CWF19L2: variants seen among roughly 807,000 people sequenced by gnomAD.
CWF19L2 encodes the protein CWF19 like cell cycle control factor 2.
CWF19L2 carries 98 observed loss-of-function variants against 111.7 expected under a neutral mutation model. The ratio of observed to expected loss-of-function variants is 0.88; its 90% CI spans 0.75 to 1.04. The LOEUF (loss-of-function observed/expected upper bound fraction) is 1.04. Ranked by LOEUF, CWF19L2 falls within the 50% of genes least tolerant of loss-of-function variation. CWF19L2 has a pLI of 0.00. For synonymous variants in CWF19L2, 351 were observed against 342.9 expected (o/e 1.02, Z -0.26); for missense variants, 1,101 against 1,051.4 (o/e 1.05, Z -0.65).
Position 107,441,684 on chromosome 11 carries a change from T to G in CWF19L2, c.451-62A>C, listed in dbSNP as rs1362507681. The G allele has an allele frequency of 5.5e-5, 76 of 1,385,150 alleles. 1 individual carries two copies. The East Asian group carries it at 2.1e-3, about 38-fold the overall frequency. The allele number at this position is 1,385,150 out of a possible 1,614,324, so 85.8% of individuals were successfully genotyped here. ...ACTCATCATTTCAATCTGAACTGAT[T>G]AGAATTTAATAAACACTTGGTAATA... On this transcript the variant is annotated intron_variant, in intron 4 of 17. Transcript: ENST00000282251.
intron 12 of CWF19L2, among the ~76,000 whole-genome samples, chr11:107,363,412 C>T (rs1004614212): frequency 1.3e-5 from 2 of 152,044 alleles, no homozygotes; most frequent in Non-Finnish European, 2.9e-5. Flanking sequence ...ATGTTAAGGG[C>T]AGCCAGAGAG....
chr11:107,344,480 T>C (rs1860049394), intron 14 of CWF19L2, among the ~76,000 whole-genome samples: 1 of 152,252 alleles, frequency 6.6e-6, no homozygotes, highest in Admixed American at 6.5e-5. Flanking sequence ...TCCTGAAGGA[T>C]ATTTTCACTA....
At chr11:107,448,777 G>A (rs375249039) in intron 3 of CWF19L2, among the ~76,000 whole-genome samples, 22 of 152,264 alleles carry the variant, frequency 1.4e-4, no homozygotes, top group African/African-American at 5.3e-4. Flanking sequence ...TGAGGTTAGA[G>A]TGAGAAGACA....
intron 12 of CWF19L2, 124 bp from the exon 13 acceptor site, chr11:107,353,860 A>G: frequency 2.9e-6 from 2 of 680,066 alleles, no homozygotes; most frequent in Non-Finnish European, 4.9e-6. Context: ...AAAGAAAAGA[A>G]AAAACATGAT....
chr11:107,395,216 C>T lies in CWF19L2; in HGVS notation c.1618-2321G>A, dbSNP rs189475406. On this transcript the variant is annotated intron_variant, in intron 10 of 17. Coordinates refer to ENST00000282251, the MANE Select transcript of CWF19L2 (RefSeq NM_152434.3). ...TCATGAGATCTGACAGTTTTAAAAA[C>T]GGGAATTTCTCCACACAAGCTCTCT... Among the ~76,000 whole-genome samples the T allele has an allele frequency of 1.2e-4, 18 of 152,218 alleles. No homozygotes were observed. The East Asian group carries it at 1.9e-3, about 16-fold the overall frequency.
chr11:107,336,191 G>A (rs1002119277), intron 15 of CWF19L2, among the ~76,000 whole-genome samples: 3 of 151,856 alleles, frequency 2.0e-5, no homozygotes, highest in Non-Finnish European at 4.4e-5. Context: ...CTGTCACCCA[G>A]GCTGGAGTGC....
chr11:107,394,301 T>C (rs1860891121), intron 10 of CWF19L2, among the ~76,000 whole-genome samples: 1 of 152,202 alleles, frequency 6.6e-6, no homozygotes, highest in South Asian at 2.1e-4. Flanking sequence ...CGAACATTAA[T>C]GAAGTGCCAT....
intron 8 of CWF19L2, among the ~76,000 whole-genome samples, chr11:107,423,729 A>G (rs140928189): frequency 8.6e-4 from 131 of 151,974 alleles, no homozygotes; most frequent in African/African-American, 3.1e-3. Context: ...AAGTCCACAC[A>G]TAATCTCCTA....
chr11:107,349,358 C>T (rs933375440), intron 13 of CWF19L2, among the ~76,000 whole-genome samples: 1 of 152,070 alleles, frequency 6.6e-6, no homozygotes, highest in Non-Finnish European at 1.5e-5. Flanking sequence ...ATGAATGACA[C>T]AATATCCTTA....
rs763965201 is a variant in CWF19L2 at position 107,349,004 on chromosome 11, A to C, written c.2135T>G (p.Leu712Arg). The part of the protein sequence containing the change: ...NVRSLTEGHC[L>R]IVPLQHHRAA... ...TCTATGGTGCTGCAAAGGGACTATC[A>C]GGCAGTGCCCCTCAGTAAGAGACCG... The change falls in exon 14 of 18, where the codon CTG (leucine) becomes CGG (arginine). Residue 712 changes from leucine to arginine, a missense_variant. By Grantham distance (102) the Leu-to-Arg change is moderately radical. Coordinates refer to ENST00000282251, the MANE Select transcript of CWF19L2 (RefSeq NM_152434.3). 1.9e-6 allele frequency: 3 copies of C among 1,611,030 alleles called. No homozygotes were observed. The highest frequency in any genetic ancestry group is 2.5e-6 in the Non-Finnish European group (3 of 1,178,008).
intron 12 of CWF19L2, among the ~76,000 whole-genome samples, chr11:107,385,930 G>A (rs1472127603): frequency 1.3e-5 from 2 of 152,208 alleles, no homozygotes; most frequent in East Asian, 1.9e-4. Context: ...CTGAAACTGC[G>A]AGAGTAGCAA....
chr11:107,332,453 T>C (rs1859863292), intron 16 of CWF19L2, among the ~76,000 whole-genome samples: 1 of 152,000 alleles, frequency 6.6e-6, no homozygotes, highest in African/African-American at 2.4e-5. Context: ...AAAGAGAAGC[T>C]TACCTTCATA....
At chr11:107,383,359 T>C (rs1483171427) in intron 12 of CWF19L2, among the ~76,000 whole-genome samples, 1 of 152,126 alleles carries the variant, frequency 6.6e-6, no homozygotes, top group Non-Finnish European at 1.5e-5. Context: ...CAGTGTCCAC[T>C]GCTCGGTGCG....
Position 107,372,728 on chromosome 11 carries a change from T to G in CWF19L2, c.1872+17346A>C, listed in dbSNP as rs548696820. On this transcript the variant is annotated intron_variant, in intron 12 of 17. Transcript: ENST00000282251. ...GCTAGAAAACTAGTTAGAAGGCTATTTGGTAGACCAGATAAGAAACAAAGA... is the reference window on the plus strand; with the variant it reads ...GCTAGAAAACTAGTTAGAAGGCTATGTGGTAGACCAGATAAGAAACAAAGA... Among the ~76,000 whole-genome samples, 2 of 135,016 alleles carry G rather than the reference T, an allele frequency of 1.5e-5. 1 individual carries two copies. The highest frequency in any genetic ancestry group is 3.1e-5 in the Non-Finnish European group (2 of 63,600). The allele number at this position is 135,016 out of a possible 152,430, so 88.6% of individuals were successfully genotyped here.
At chr11:107,423,519 T>G (rs1361548881) in intron 8 of CWF19L2, among the ~76,000 whole-genome samples, 1 of 151,974 alleles carries the variant, frequency 6.6e-6, no homozygotes, top group Non-Finnish European at 1.5e-5. Context: ...CTTCTTTTCC[T>G]TCTGCCATTT....
At chr11:107,349,076 G>T in intron 13 of CWF19L2, 23 bp from the exon 14 acceptor site, 1 of 1,261,978 alleles carries the variant, frequency 7.9e-7, no homozygotes, top group Non-Finnish European at 1.1e-6. Flanking sequence ...AATACAAAAG[G>T]TGAAATGTTA....
At chr11:107,455,809 C>G (rs1861846497) in intron 1 of CWF19L2, 33 bp from the exon 2 acceptor site, 1 of 1,330,940 alleles carries the variant, frequency 7.5e-7, no homozygotes, top group Non-Finnish European at 1.0e-6. Context: ...GACAAACTGG[C>G]AATTGACCCA....
Position 107,391,368 on chromosome 11 carries a change from G to A in CWF19L2, c.1735-1157C>T, listed in dbSNP as rs1392323047. On this transcript the variant is annotated intron_variant, in intron 11 of 17. Coordinates refer to ENST00000282251, the MANE Select transcript of CWF19L2 (RefSeq NM_152434.3). ...CAAGAAGACTATCATCTACAAACCC[G>A]TAAGCGTGCCCTCATCAGACAATGA... Among the ~76,000 whole-genome samples the A allele has an allele frequency of 4.6e-5, 7 of 152,132 alleles. No homozygotes were observed. The East Asian group carries it at 7.7e-4, about 17-fold the overall frequency.
At chr11:107,367,768 G>A (rs1860452816) in intron 12 of CWF19L2, among the ~76,000 whole-genome samples, 1 of 133,462 alleles carries the variant, frequency 7.5e-6, no homozygotes, top group African/African-American at 3.0e-5. Context: ...CATGGCACAT[G>A]TATACATATG....
Sources: allele counts gnomAD v4.1 joint callset (sites outside exome capture counted in the v4.1 genomes callset), GRCh38; gene constraint gnomAD v4.1.1; transcripts MANE v1.5; gene names NCBI Gene and HGNC (gene_info 2026-07-23, HGNC 2026-07-21).